The following AXL variants were observed in gnomAD, a reference collection of about 807,000 sequenced individuals.
AXL encodes the protein tyrosine-protein kinase receptor UFO.
AXL carries 52 observed loss-of-function variants against 104.5 expected under a neutral mutation model. That is an observed-to-expected ratio of 0.50 (90% CI 0.40 to 0.63). The LOEUF (loss-of-function observed/expected upper bound fraction) is 0.63, where lower values mean the gene tolerates loss of function less well. AXL is among the 20% of genes least tolerant of loss of function. AXL has a pLI of 0.00. For synonymous variants in AXL, 455 were observed against 473.7 expected, an observed-to-expected ratio of 0.96 and a Z score of 0.51; for missense variants, 1,024 against 1,188.5, an observed-to-expected ratio of 0.86 and a Z score of 2.04.
At chr19:41,252,548 G>A in intron 15 of AXL, 105 bp downstream of exon 15, 1 of 1,299,674 alleles carries the variant, frequency 7.7e-7, no homozygotes, top group African/African-American at 1.5e-5. Context: ...CAGGCTTCCT[G>A]CTCCCCGCTC....
chr19:41,248,676 C>T, intron 13 of AXL, 67 bp downstream of exon 13: 3 of 1,611,582 alleles, frequency 1.9e-6, no homozygotes, highest in East Asian at 4.5e-5. Flanking sequence ...CACACTCCCA[C>T]CCAACTATAG....
At chr19:41,245,912 T>G (rs974461023) in intron 12 of AXL, among the ~76,000 whole-genome samples, 4 of 152,168 alleles carry the variant, frequency 2.6e-5, no homozygotes, top group Non-Finnish European at 5.9e-5. Context: ...GTGATTTAAC[T>G]GAGTAACATA....
chr19:41,258,973 G>A (rs1165859575), intron 19 of AXL, among the ~76,000 whole-genome samples: 1 of 152,220 alleles, frequency 6.6e-6, no homozygotes, highest in East Asian at 1.9e-4. Context: ...GGCTGTAGCA[G>A]GAGGCTTCAG....
At chr19:41,240,632 C>T (rs1290356069) in intron 10 of AXL, among the ~76,000 whole-genome samples, 1 of 152,136 alleles carries the variant, frequency 6.6e-6, no homozygotes. Flanking sequence ...ATACTCCTCA[C>T]ATCCCTTCCT....
chr19:41,237,623 C>T lies in AXL; in HGVS notation c.784-321C>T, dbSNP rs927725064. ...GCACTGTGGCATCCTTTGGGCATAA[C>T]TACACTTAATCTTTAAACAATCCTG... On this transcript the variant is annotated intron_variant, in intron 6 of 19. Transcript: ENST00000301178. Among the ~76,000 whole-genome samples the T allele has an allele frequency of 1.5e-4, 23 of 152,294 alleles. 1 individual carries two copies. Among genetic ancestry groups the T allele is most frequent in the Non-Finnish European group, 2.9e-5 (2 of 68,032 alleles).
intron 9 of AXL, 112 bp from the exon 10 acceptor site, chr19:41,239,582 C>T (rs2034144829): frequency 3.8e-6 from 5 of 1,331,874 alleles, no homozygotes; most frequent in Admixed American, 1.9e-5. Context: ...CACTCCCTTA[C>T]TCGTGCCACA....
intron 6 of AXL, among the ~76,000 whole-genome samples, chr19:41,235,739 C>T (rs1280240867): frequency 4.6e-5 from 7 of 152,112 alleles, no homozygotes; most frequent in African/African-American, 4.8e-5. Flanking sequence ...CAAGTGATTC[C>T]GTCTCTCTGG....
At chr19:41,255,271 A>C (rs148648847) in intron 17 of AXL, among the ~76,000 whole-genome samples, 12 of 152,016 alleles carry the variant, frequency 7.9e-5, no homozygotes, top group African/African-American at 2.9e-4. Context: ...CATCATATGA[A>C]TGTCCTGTGG....
intron 6 of AXL, among the ~76,000 whole-genome samples, chr19:41,235,467 T>C (rs1389072776): frequency 6.6e-6 from 1 of 152,084 alleles, no homozygotes; most frequent in East Asian, 1.9e-4. Flanking sequence ...CCCAATTCAG[T>C]CAACCCTGTG....
At chr19:41,245,983 G>T (rs1045966353) in intron 12 of AXL, among the ~76,000 whole-genome samples, 2 of 152,138 alleles carry the variant, frequency 1.3e-5, no homozygotes, top group African/African-American at 2.4e-5. Flanking sequence ...TTTGCAGGGG[G>T]CCCATAAGGT....
intron 4 of AXL, among the ~76,000 whole-genome samples, chr19:41,223,270 G>C (rs1201778665): frequency 6.6e-6 from 1 of 152,166 alleles, no homozygotes; most frequent in Non-Finnish European, 1.5e-5. Flanking sequence ...ACTCCAGCCT[G>C]GGTGACAGAG....
chr19:41,242,111 G>A (rs1052822283), intron 10 of AXL, among the ~76,000 whole-genome samples: 10 of 151,558 alleles, frequency 6.6e-5, no homozygotes, highest in African/African-American at 1.2e-4. Context: ...CTCATAACGC[G>A]TTCCACACAT....
chr19:41,243,944 G>T (rs1203566125), intron 12 of AXL: 2 of 465,468 alleles, frequency 4.3e-6, no homozygotes, highest in Non-Finnish European at 7.7e-6. Context: ...GGTGGCTCAT[G>T]CCTGTAATCC....
intron 4 of AXL, among the ~76,000 whole-genome samples, chr19:41,223,126 C>A (rs896110311): frequency 2.6e-5 from 4 of 151,408 alleles, no homozygotes; most frequent in African/African-American, 9.7e-5. Flanking sequence ...AAAACTCCAT[C>A]TTTACCAAAA....
intron 4 of AXL, among the ~76,000 whole-genome samples, chr19:41,225,913 G>A (rs184475334): frequency 6.6e-6 from 1 of 152,172 alleles, no homozygotes; most frequent in Non-Finnish European, 1.5e-5. Flanking sequence ...GACTCAGGGC[G>A]TGCCCCTCCT....
rs745801504 is a variant in AXL, at chr19:41,238,437, G to A, written c.995-33G>A. On this transcript the variant is annotated intron_variant, in intron 7 of 19. Transcript: ENST00000301178. ...AGGGGAGGGGGTCAGGAAGAGGTGG[G>A]GGTGCCAGCTTCCCCTCTTCCCTGT... 9 of 1,595,848 alleles carry A rather than the reference G, an allele frequency of 5.6e-6. No homozygotes were observed. In the East Asian group the frequency reaches 1.4e-4, roughly 24 times the overall value.
chr19:41,233,661 A>T (rs765439322), intron 6 of AXL, among the ~76,000 whole-genome samples: 3 of 146,766 alleles, frequency 2.0e-5, no homozygotes, highest in African/African-American at 7.5e-5. Flanking sequence ...AGTGGCTATT[A>T]ATCTTCCCGT....
At chr19:41,224,336 G>A (rs1202410351) in intron 4 of AXL, among the ~76,000 whole-genome samples, 7 of 151,962 alleles carry the variant, frequency 4.6e-5, no homozygotes, top group South Asian at 2.1e-4. Flanking sequence ...GAATCAGAAC[G>A]TGTCCATGGA....
Position 41,260,961 on chromosome 19 carries a change from T to G in AXL, c.*1057T>G. ...GTTCTAAGATTCTAATGATGATCAA[T>G]TATAGTTTCTGAGGCTTTATGATAA... is the stretch of plus-strand genomic sequence containing the variant. On this transcript the variant is annotated 3_prime_UTR_variant, in exon 20 of 20. Transcript: ENST00000301178. The G allele has an allele frequency of 6.6e-6, 1 of 152,182 alleles. No individual in the cohort carries two copies. Among genetic ancestry groups the G allele is most frequent in the Non-Finnish European group, 1.5e-5 (1 of 68,034 alleles). 9.4% of individuals were successfully genotyped at this position (152,182 alleles called of 1,614,324 possible). A position where few individuals can be genotyped will look rare whatever the true frequency, so the allele number is the denominator to read the frequency against.
Sources: gnomAD v4.1 joint callset for allele counts (sites outside exome capture counted in the v4.1 genomes callset) on GRCh38, gnomAD v4.1.1 for gene constraint, MANE v1.5 for transcripts, NCBI Gene and HGNC (gene_info 2026-07-23, HGNC 2026-07-21) for gene names.